SLCO3A1: variants seen among roughly 807,000 people sequenced by gnomAD.
SLCO3A1 encodes PGE1 transporter.
SLCO3A1 carries 27 observed loss-of-function variants against 63.1 expected under a neutral mutation model. That is an observed-to-expected ratio of 0.43 (90% CI 0.32 to 0.59). The LOEUF (loss-of-function observed/expected upper bound fraction) is 0.59, where lower values mean the gene tolerates loss of function less well. Among genes scored for constraint, SLCO3A1 ranks in the 20% least tolerant of loss-of-function variants. SLCO3A1 has a pLI of 0.09. For missense variants in SLCO3A1, 773 were observed against 945.8 expected, an observed-to-expected ratio of 0.82 and a Z score of 2.40; for synonymous variants, 473 against 409.9, an observed-to-expected ratio of 1.15 and a Z score of -1.86.
chr15:92,146,464 G>A lies in SLCO3A1; in HGVS notation c.1513-520G>A, dbSNP rs145025255. Among the ~76,000 whole-genome samples, 145 of 152,264 alleles carry A rather than the reference G, an allele frequency of 9.5e-4. 1 individual carries two copies. Among genetic ancestry groups the A allele is most frequent in the African/African-American group, 3.3e-3 (135 of 41,534 alleles). On this transcript the variant is annotated intron_variant, in intron 7 of 9. Transcript: ENST00000318445. ...GAGAACTTTCCATCAGCTGTCCCTC[G>A]CCCAGCCTTGCAGACGCGGTGACTT...
At chr15:91,949,867 C>T (rs1248576087) in intron 2 of SLCO3A1, among the ~76,000 whole-genome samples, 1 of 151,910 alleles carries the variant, frequency 6.6e-6, no homozygotes, top group African/African-American at 2.4e-5. Flanking sequence ...GCAAGCTGAG[C>T]GTGGTGCTGC....
intron 4 of SLCO3A1, among the ~76,000 whole-genome samples, chr15:92,111,601 C>T (rs2047730539): frequency 1.3e-5 from 2 of 152,182 alleles, no homozygotes; most frequent in Admixed American, 1.3e-4. Flanking sequence ...GGCTTAAGTT[C>T]TTATCAATAT....
chr15:91,988,082 G>A (rs2151441389), intron 2 of SLCO3A1, among the ~76,000 whole-genome samples: 1 of 152,280 alleles, frequency 6.6e-6, no homozygotes, highest in South Asian at 2.1e-4. Context: ...TTTTCTAGGG[G>A]CTGATAGCAA....
At chr15:92,050,299 G>T (rs1451305270) in intron 2 of SLCO3A1, among the ~76,000 whole-genome samples, 1 of 152,212 alleles carries the variant, frequency 6.6e-6, no homozygotes, top group Admixed American at 6.5e-5. Flanking sequence ...CAGCCACAGA[G>T]GGATGGCTTG....
chr15:91,999,105 A>T (rs1171561444), intron 2 of SLCO3A1, among the ~76,000 whole-genome samples: 1 of 152,184 alleles, frequency 6.6e-6, no homozygotes, highest in African/African-American at 2.4e-5. Flanking sequence ...GTGGACGTAA[A>T]GTCGGCAATA....
At chr15:91,928,457 C>T (rs1388149094) in intron 2 of SLCO3A1, among the ~76,000 whole-genome samples, 1 of 152,158 alleles carries the variant, frequency 6.6e-6, no homozygotes, top group African/African-American at 2.4e-5. Context: ...GGTCTGGTCT[C>T]CGTTATCCCA....
At chr15:91,931,801 G>A (rs7181500) in intron 2 of SLCO3A1, among the ~76,000 whole-genome samples, 100,218 of 149,668 alleles carry the variant, frequency 0.67, 33,604 homozygotes, top group East Asian at 0.91. Context: ...ACACACACAC[G>A]CACACACACA....
At chr15:91,935,779 A>G (rs1899391525) in intron 2 of SLCO3A1, among the ~76,000 whole-genome samples, 1 of 151,944 alleles carries the variant, frequency 6.6e-6, no homozygotes, top group African/African-American at 2.4e-5. Context: ...TCACTCTTTT[A>G]GGAGATTTTA....
At chr15:92,026,066 G>A (rs773114171) in intron 2 of SLCO3A1, among the ~76,000 whole-genome samples, 1 of 152,172 alleles carries the variant, frequency 6.6e-6, no homozygotes, top group African/African-American at 2.4e-5. Flanking sequence ...GCAGCAGGGA[G>A]GCTTTGGTGC....
chr15:92,073,776 AC>A (rs2047243703), intron 2 of SLCO3A1, among the ~76,000 whole-genome samples: 2 of 152,324 alleles, frequency 1.3e-5, no homozygotes, highest in Admixed American at 6.5e-5. Flanking sequence ...GCCAGCAGCA[AC>A]CCCAGCCCAT....
In SLCO3A1 at chr15:91,853,986, C is replaced by G; in HGVS notation, c.78C>G (p.Asn26Lys). 1 of 1,531,858 alleles carries G rather than the reference C, an allele frequency of 6.5e-7. No homozygotes were observed. Among genetic ancestry groups the G allele is most frequent in the East Asian group, 2.7e-5 (1 of 36,642 alleles). 94.9% of individuals were successfully genotyped at this position (1,531,858 alleles called of 1,614,324 possible). ...TGCAGGGGGACGAGGCGCAGAGGAA[C>G]AAGAAAAAGAAAAAGAAGGTGTCCT... is the stretch of plus-strand genomic sequence containing the variant. Reference protein sequence around the residue: ...GELQGDEAQRNKKKKKKVSCF... With the variant: ...GELQGDEAQRKKKKKKKVSCF... Residue 26 changes from asparagine to lysine, a missense_variant, in exon 1 of 10, where the codon AAC becomes AAG. Transcript: ENST00000318445.
intron 2 of SLCO3A1, among the ~76,000 whole-genome samples, chr15:91,926,270 A>G (rs2151386625): frequency 6.6e-6 from 1 of 152,316 alleles, no homozygotes; most frequent in East Asian, 1.9e-4. Flanking sequence ...TATCAAAAAC[A>G]AACAAAAGTA....
intron 8 of SLCO3A1, among the ~76,000 whole-genome samples, chr15:92,147,653 G>C (rs533693207): frequency 6.6e-6 from 1 of 152,226 alleles, no homozygotes; most frequent in South Asian, 2.1e-4. Context: ...GAGACTTGAC[G>C]GGTTATTGTG....
rs1052514629 is a variant in SLCO3A1 at position 91,862,871 on chromosome 15, T to A, written c.180+8783T>A. On this transcript the variant is annotated intron_variant, in intron 1 of 9. Coordinates refer to ENST00000318445, the MANE Select transcript of SLCO3A1 (RefSeq NM_013272.4). The surrounding 1 kb of genome is among the most constrained non-coding windows in gnomAD (Gnocchi z 4.0). ...GACTACTGTAAAATATTAATGGGAA[T>A]GGCTATTGTCTTTCACCCCCTTTGC... is the stretch of plus-strand genomic sequence containing the variant. Among the ~76,000 whole-genome samples the A allele has an allele frequency of 1.2e-4, 18 of 152,244 alleles. No individual in the cohort carries two copies. Among genetic ancestry groups the A allele is most frequent in the African/African-American group, 4.1e-4 (17 of 41,464 alleles).
intron 2 of SLCO3A1, among the ~76,000 whole-genome samples, chr15:92,065,315 T>G (rs2047137367): frequency 6.6e-6 from 1 of 152,100 alleles, no homozygotes; most frequent in South Asian, 2.1e-4. Context: ...TCAAAACTCC[T>G]GACCTGAGGT....
intron 2 of SLCO3A1, among the ~76,000 whole-genome samples, chr15:92,013,718 A>G (rs944325850): frequency 1.3e-5 from 2 of 152,208 alleles, no homozygotes; most frequent in Admixed American, 1.3e-4. Flanking sequence ...CATGGCATCT[A>G]AAAGGCCCTT....
At position 92,158,818 on chromosome 15, in the gene SLCO3A1, T is replaced by C. The variant is rs144719643; in HGVS notation, c.1754-3938T>C. On this transcript the variant is annotated intron_variant, in intron 9 of 9. Coordinates refer to ENST00000318445, the MANE Select transcript of SLCO3A1 (RefSeq NM_013272.4). ...CGCACACCTGCAGTTTAGGGCCTGA[T>C]AGCTAGACCTCCCCTTTGGGAAAGA... 2.0e-4 allele frequency among the ~76,000 whole-genome samples: 30 copies of C among 152,342 alleles called. No individual in the cohort carries two copies. In the East Asian group the frequency reaches 5.2e-3, roughly 26 times the overall value.
At chr15:92,051,967 C>T (rs959806249) in intron 2 of SLCO3A1, among the ~76,000 whole-genome samples, 3 of 152,136 alleles carry the variant, frequency 2.0e-5, no homozygotes, top group South Asian at 2.1e-4. Context: ...GATGACCTCA[C>T]GAGGCTGTGA....
intron 1 of SLCO3A1, among the ~76,000 whole-genome samples, chr15:91,909,760 C>T (rs1002707240): frequency 6.6e-6 from 1 of 152,232 alleles, no homozygotes; most frequent in East Asian, 1.9e-4. Flanking sequence ...CCAGGTGAGA[C>T]TCTCGCAGGG....
Sources: allele counts gnomAD v4.1 joint callset (sites outside exome capture counted in the v4.1 genomes callset), GRCh38; gene constraint gnomAD v4.1.1; non-coding constraint Gnocchi (gnomAD v3.1); transcripts MANE v1.5; gene names NCBI Gene and HGNC (gene_info 2026-07-23, HGNC 2026-07-21).